The following MBNL2 variants were observed in gnomAD, a reference collection of about 807,000 sequenced individuals.
MBNL2 encodes the protein muscleblind-like protein 2.
In MBNL2, 17 loss-of-function variants were observed where a neutral mutation model predicts 41.9. That is an observed-to-expected ratio of 0.41 (90% CI 0.28 to 0.61). The LOEUF (loss-of-function observed/expected upper bound fraction) is 0.61. Among genes scored for constraint, MBNL2 ranks in the 20% least tolerant of loss-of-function variants. MBNL2 has a pLI of 0.35. For missense variants in MBNL2, 336 were observed against 505.6 expected (o/e 0.66, Z 3.22); for synonymous variants, 195 against 182.9 (o/e 1.07, Z -0.53).
chr13:97,307,409 C>T (rs1294163412), intron 2 of MBNL2, among the ~76,000 whole-genome samples: 3 of 151,596 alleles, frequency 2.0e-5, no homozygotes, highest in Non-Finnish European at 4.4e-5. Flanking sequence ...AAAAAAAAAC[C>T]TGGAGCGTAT....
intron 5 of MBNL2, among the ~76,000 whole-genome samples, chr13:97,348,037 T>C (rs2062047576): frequency 6.6e-6 from 1 of 151,802 alleles, no homozygotes; most frequent in African/African-American, 2.4e-5. Context: ...TTTCTTATTT[T>C]CTTATTTAGT....
chr13:97,190,130 G>A, the MBNL2 span, among the ~76,000 whole-genome samples: 3 of 152,222 alleles, frequency 2.0e-5, no homozygotes, highest in Non-Finnish European at 4.4e-5. Flanking sequence ...GGCAGAAAGC[G>A]GATTCCAACC....
At chr13:97,328,454 G>A (rs754620736) in intron 2 of MBNL2, among the ~76,000 whole-genome samples, 18 of 152,296 alleles carry the variant, frequency 1.2e-4, no homozygotes, top group Admixed American at 4.6e-4. Flanking sequence ...AGCACTTGCC[G>A]TTCCGCGGCC....
rs961443386 is a variant in MBNL2 at position 97,346,709 on chromosome 13, C to T, written c.541-95C>T. 8.4e-5 allele frequency: 81 copies of T among 966,382 alleles called. No individual in the cohort carries two copies. Among genetic ancestry groups the T allele is most frequent in the Non-Finnish European group, 1.1e-4 (74 of 645,514 alleles). 59.9% of individuals were successfully genotyped at this position (966,382 alleles called of 1,614,324 possible). On this transcript the variant is annotated intron_variant, in intron 4 of 8. Coordinates refer to ENST00000679496, the MANE Select transcript of MBNL2 (RefSeq NM_001382683.1). The surrounding 1 kb of genome is among the most constrained non-coding windows in gnomAD (Gnocchi z 4.2). Reference sequence around the variant, plus strand: ...GTGGTACATGAGCCACCATTGAAAGCGAGGCAGCCTCCGCTCCTCCCGCGG... The same window carrying T: ...GTGGTACATGAGCCACCATTGAAAGTGAGGCAGCCTCCGCTCCTCCCGCGG...
At chr13:97,319,872 C>T (rs963602264) in intron 2 of MBNL2, among the ~76,000 whole-genome samples, 2 of 152,072 alleles carry the variant, frequency 1.3e-5, no homozygotes, top group Non-Finnish European at 2.9e-5. Context: ...TGGGAAAAAT[C>T]GGATGGCATT....
At chr13:97,226,020 A>G (rs2041545820) in intron 1 of MBNL2, among the ~76,000 whole-genome samples, 1 of 151,304 alleles carries the variant, frequency 6.6e-6, no homozygotes. Context: ...TACTCTTCTC[A>G]GTTTTTTTTT....
At chr13:97,266,427 C>G (rs954973409) in intron 1 of MBNL2, among the ~76,000 whole-genome samples, 2 of 152,234 alleles carry the variant, frequency 1.3e-5, no homozygotes, top group African/African-American at 4.8e-5. Context: ...CCTTGGTTCA[C>G]TGAGCTTCCT....
At chr13:97,320,734 T>C (rs555495424) in intron 2 of MBNL2, among the ~76,000 whole-genome samples, 28 of 151,386 alleles carry the variant, frequency 1.8e-4, no homozygotes, top group Non-Finnish European at 3.2e-4. Context: ...GCCAACATGG[T>C]AAAACCCCAT....
chr13:97,178,837 C>A, the MBNL2 span, among the ~76,000 whole-genome samples: 2 of 152,120 alleles, frequency 1.3e-5, no homozygotes, highest in African/African-American at 4.8e-5. Flanking sequence ...GTCGAGGCTG[C>A]AGTGAGCCAT....
chr13:97,334,579 G>A lies in MBNL2; in HGVS notation c.339+139G>A. 1.0e-5 allele frequency: 5 copies of A among 498,264 alleles called. No individual in the cohort carries two copies. Among genetic ancestry groups the A allele is most frequent in the Non-Finnish European group, 1.7e-5 (5 of 291,318 alleles). 30.9% of individuals were successfully genotyped at this position (498,264 alleles called of 1,614,324 possible). A position where few individuals can be genotyped will look rare whatever the true frequency, so the allele number is the denominator to read the frequency against. On this transcript the variant is annotated intron_variant, in intron 3 of 8. Transcript: ENST00000679496. This position sits in a 1 kb window ranked among gnomAD's most constrained non-coding sequence, Gnocchi z 5.3. The stretch of plus-strand genomic sequence containing the variant: ...CAAATAGCTTTAAAGCTCAATAGAT[G>A]AAGGAAAATAGGCTTTTAAAAAAAT...
At position 97,334,468 on chromosome 13, in the gene MBNL2, T is replaced by A; in HGVS notation, c.339+28T>A. 6.4e-7 allele frequency: 1 copy of A among 1,571,578 alleles called. No homozygotes were observed. Among genetic ancestry groups the A allele is most frequent in the Non-Finnish European group, 8.7e-7 (1 of 1,153,484 alleles). On this transcript the variant is annotated intron_variant, in intron 3 of 8. Transcript: ENST00000679496. This position sits in a 1 kb window ranked among gnomAD's most constrained non-coding sequence, Gnocchi z 5.3. The stretch of plus-strand genomic sequence containing the variant: ...GAGTACATCTTTATTCAGTGATGAG[T>A]TGGATGGTTACAGTGTTGGTATGGA...
chr13:97,156,094 T>C, the MBNL2 span, among the ~76,000 whole-genome samples: 1 of 110,922 alleles, frequency 9.0e-6, no homozygotes, highest in Non-Finnish European at 1.8e-5. Flanking sequence ...CCATTCTAAC[T>C]GGTGTGAGAT....
intron 8 of MBNL2, among the ~76,000 whole-genome samples, chr13:97,390,257 A>G (rs866739684): frequency 2.2e-4 from 33 of 152,208 alleles, no homozygotes; most frequent in African/African-American, 7.7e-4. Flanking sequence ...AAATTGTTGC[A>G]TATAAAGTAC....
chr13:97,186,237 GT>G, the MBNL2 span, among the ~76,000 whole-genome samples: 7 of 152,120 alleles, frequency 4.6e-5, no homozygotes, highest in Non-Finnish European at 7.4e-5. Flanking sequence ...GCATGCTACC[GT>G]AGATGCTTAA....
At chr13:97,200,975 A>G in the MBNL2 span, among the ~76,000 whole-genome samples, 4 of 152,262 alleles carry the variant, frequency 2.6e-5, no homozygotes, top group Admixed American at 1.3e-4. Flanking sequence ...CTCATCAACT[A>G]TCTTTACCCT....
At chr13:97,159,853 G>C in the MBNL2 span, among the ~76,000 whole-genome samples, 1 of 151,372 alleles carries the variant, frequency 6.6e-6, no homozygotes, top group African/African-American at 2.4e-5. Context: ...TTCAACTTTG[G>C]TGAATCTGAC....
At chr13:97,261,222 C>T (rs2048560081) in intron 1 of MBNL2, among the ~76,000 whole-genome samples, 1 of 152,178 alleles carries the variant, frequency 6.6e-6, no homozygotes, top group Non-Finnish European at 1.5e-5. Flanking sequence ...GATACAAACC[C>T]TCTTGGTGGG....
chr13:97,370,763 T>G (rs1442579680), intron 8 of MBNL2, among the ~76,000 whole-genome samples: 2 of 152,198 alleles, frequency 1.3e-5, no homozygotes, highest in African/African-American at 4.8e-5. Flanking sequence ...CAATAATTTT[T>G]ATAGAAGTAA....
chr13:97,171,056 G>A, the MBNL2 span, among the ~76,000 whole-genome samples: 1 of 152,194 alleles, frequency 6.6e-6, no homozygotes, highest in East Asian at 1.9e-4. Context: ...ACCCAAAGTT[G>A]TACAGTGGAA....
Sources: allele counts gnomAD v4.1 joint callset (sites outside exome capture counted in the v4.1 genomes callset), GRCh38; gene constraint gnomAD v4.1.1; non-coding constraint Gnocchi (gnomAD v3.1); transcripts MANE v1.5; gene names NCBI Gene and HGNC (gene_info 2026-07-23, HGNC 2026-07-21).